The following CDH2 variants were observed in gnomAD, a reference collection of about 807,000 sequenced individuals.
CDH2 encodes the protein cadherin 2.
Under a neutral mutation model 92.0 loss-of-function variants are expected in CDH2, and 17 were observed. The observed-to-expected ratio is 0.18, with a 90% confidence interval of 0.13 to 0.28. CDH2 has a LOEUF of 0.28. Among genes scored for constraint, CDH2 ranks in the 10% least tolerant of loss-of-function variants. The probability of loss-of-function intolerance (pLI) is 1.00; values close to 1 mark genes in which losing one functional copy is unlikely to be tolerated. For synonymous variants in CDH2, 419 were observed against 415.9 expected (o/e 1.01, Z -0.09); for missense variants, 862 against 1,133.1 (o/e 0.76, Z 3.44).
At chr18:28,099,399 G>T (rs2144229201) in intron 2 of CDH2, among the ~76,000 whole-genome samples, 1 of 152,180 alleles carries the variant, frequency 6.6e-6, no homozygotes, top group South Asian at 2.1e-4. Flanking sequence ...AGAGAAAATG[G>T]ACTCAAGTTA....
At chr18:27,965,573 G>GA (rs944829064) in intron 14 of CDH2, among the ~76,000 whole-genome samples, 3 of 152,114 alleles carry the variant, frequency 2.0e-5, no homozygotes, top group African/African-American at 4.8e-5. Context: ...CAAAACTTGA[G>GA]AAAAAACACC....
At chr18:27,965,989 G>GAA (rs2011524478) in intron 14 of CDH2, among the ~76,000 whole-genome samples, 1 of 26,532 alleles carries the variant, frequency 3.8e-5, no homozygotes, top group African/African-American at 1.8e-4. Flanking sequence ...CTGTCTAAAA[G>GAA]GAAAAAAAAA....
intron 1 of CDH2, among the ~76,000 whole-genome samples, chr18:28,162,616 T>C (rs1045720321): frequency 6.6e-6 from 1 of 152,200 alleles, no homozygotes; most frequent in Non-Finnish European, 1.5e-5. Flanking sequence ...TAAATCCTCA[T>C]TCTAAAGTCC....
intron 7 of CDH2, among the ~76,000 whole-genome samples, chr18:27,997,453 T>C (rs544517): frequency 0.018 from 2,773 of 152,158 alleles, 119 homozygotes; most frequent in African/African-American, 0.064. Flanking sequence ...CTAGAAATGG[T>C]AGGAAGAAGT....
chr18:28,062,695 T>A (rs1426708631), intron 2 of CDH2, among the ~76,000 whole-genome samples: 1 of 152,212 alleles, frequency 6.6e-6, no homozygotes, highest in Non-Finnish European at 1.5e-5. Context: ...CCGTCCAGGC[T>A]AGGCGTGGTG....
chr18:28,133,854 C>T (rs1244958461), intron 2 of CDH2, among the ~76,000 whole-genome samples: 2 of 151,994 alleles, frequency 1.3e-5, no homozygotes, highest in Non-Finnish European at 2.9e-5. Context: ...TCTTCTATCA[C>T]CATGCATAGG....
chr18:28,010,738 C>T (rs188938171), intron 4 of CDH2, among the ~76,000 whole-genome samples: 31 of 151,248 alleles, frequency 2.0e-4, no homozygotes, highest in African/African-American at 7.0e-4. Context: ...AGCATGATCT[C>T]GGCTCACTGC....
chr18:28,092,034 C>T (rs2015046852), intron 2 of CDH2, among the ~76,000 whole-genome samples: 1 of 151,902 alleles, frequency 6.6e-6, no homozygotes, highest in Admixed American at 6.6e-5. Flanking sequence ...GTCCTAAGAA[C>T]ACCAATGATA....
chr18:28,133,581 C>CAAAAA (rs765999292), intron 2 of CDH2, among the ~76,000 whole-genome samples: 2 of 47,232 alleles, frequency 4.2e-5, no homozygotes, highest in African/African-American at 8.1e-5. Flanking sequence ...GACTCTGTCT[C>CAAAAA]AAAAAAAAAA....
intron 7 of CDH2, among the ~76,000 whole-genome samples, chr18:27,995,313 C>CAAAAAAA (rs34313496): frequency 2.5e-5 from 2 of 80,244 alleles, no homozygotes; most frequent in Non-Finnish European, 4.7e-5. Flanking sequence ...GACTCCATCT[C>CAAAAAAA]AAAAAAAAAA....
chr18:28,009,765 C>G lies in CDH2; in HGVS notation c.654G>C (p.Gln218His), dbSNP rs200892019. Residue 218 changes from glutamine (Q) to histidine (H), a missense_variant, in exon 5 of 16, where the codon CAG becomes CAC. Gln to His is a conservative substitution (Grantham distance 24). Coordinates refer to ENST00000269141, the MANE Select transcript of CDH2 (RefSeq NM_001792.5). The stretch of plus-strand genomic sequence containing the variant: ...GATCCAGGGGCTTTGTCACCGACAG[C>G]TGACCCGAGATGGGGTTGATAATGA... ...GIFIINPISGQLSVTKPLDRE... is the reference protein window; with the variant it reads ...GIFIINPISGHLSVTKPLDRE... 1.8e-5 allele frequency: 29 copies of G among 1,614,012 alleles called. No homozygotes were observed. Among genetic ancestry groups the G allele is most frequent in the Non-Finnish European group, 2.3e-5 (27 of 1,179,986 alleles).
At chr18:27,979,485 C>T (rs953423396) in intron 14 of CDH2, among the ~76,000 whole-genome samples, 2 of 152,180 alleles carry the variant, frequency 1.3e-5, no homozygotes, top group Non-Finnish European at 2.9e-5. Flanking sequence ...AACTCCTGTG[C>T]ACACACCAGA....
chr18:28,012,106 A>G, intron 3 of CDH2, 114 bp from the exon 4 acceptor site: 1 of 892,844 alleles, frequency 1.1e-6, no homozygotes, highest in Non-Finnish European at 1.6e-6. Flanking sequence ...ATGAACAAAA[A>G]ATAAGTCTGG....
chr18:27,958,987 C>T (rs1414509861), intron 15 of CDH2, among the ~76,000 whole-genome samples: 1 of 152,132 alleles, frequency 6.6e-6, no homozygotes, highest in Admixed American at 6.6e-5. Context: ...AACCTCTTTC[C>T]TTTGTAAATC....
chr18:28,041,188 A>C (rs982193579), intron 2 of CDH2, among the ~76,000 whole-genome samples: 2 of 152,236 alleles, frequency 1.3e-5, no homozygotes, highest in Non-Finnish European at 2.9e-5. Context: ...CTAGATTATA[A>C]ATTTAGAAAA....
At chr18:28,059,687 G>A (rs931637388) in intron 2 of CDH2, among the ~76,000 whole-genome samples, 1 of 152,146 alleles carries the variant, frequency 6.6e-6, no homozygotes, top group Non-Finnish European at 1.5e-5. Context: ...AATAAAATTT[G>A]TTGTGATTTT....
At chr18:28,072,350 C>T (rs931956809) in intron 2 of CDH2, among the ~76,000 whole-genome samples, 3 of 152,184 alleles carry the variant, frequency 2.0e-5, no homozygotes, top group African/African-American at 2.4e-5. Flanking sequence ...TGTGCTTGTC[C>T]TGCACTGGAG....
intron 2 of CDH2, among the ~76,000 whole-genome samples, chr18:28,048,715 T>C (rs1475641156): frequency 6.6e-6 from 1 of 152,154 alleles, no homozygotes; most frequent in East Asian, 1.9e-4. Flanking sequence ...GCTGATCCCG[T>C]AACTAAATGC....
intron 2 of CDH2, among the ~76,000 whole-genome samples, chr18:28,015,556 C>T (rs549184565): frequency 3.4e-4 from 52 of 152,058 alleles, no homozygotes; most frequent in Admixed American, 1.1e-3. Context: ...TAAATCAAAA[C>T]GAGACTTTTG....
Sources: allele counts gnomAD v4.1 joint callset (sites outside exome capture counted in the v4.1 genomes callset), GRCh38; gene constraint gnomAD v4.1.1; transcripts MANE v1.5; gene names NCBI Gene and HGNC (gene_info 2026-07-23, HGNC 2026-07-21).